IL7: variants seen among roughly 807,000 people sequenced by gnomAD.
The protein encoded by IL7 is interleukin 7.
In IL7, 3 loss-of-function variants were observed where a neutral mutation model predicts 21.6. That is an observed-to-expected ratio of 0.14 (90% CI 0.06 to 0.36). The LOEUF (loss-of-function observed/expected upper bound fraction) is 0.36, where lower values mean the gene tolerates loss of function less well. Ranked by LOEUF, IL7 falls within the 10% of genes least tolerant of loss-of-function variation. The pLI is 1.00. For synonymous variants in IL7, 62 were observed against 68.1 expected (o/e 0.91, Z 0.44); for missense variants, 175 against 200.2 (o/e 0.87, Z 0.76).
chr8:78,789,145 T>C (rs1371588423), intron 2 of IL7, among the ~76,000 whole-genome samples: 1 of 152,130 alleles, frequency 6.6e-6, no homozygotes, highest in African/African-American at 2.4e-5. Context: ...CAACGTAAAG[T>C]AGGGTTTTTA....
At chr8:78,771,115 A>G (rs1239609734) in intron 2 of IL7, among the ~76,000 whole-genome samples, 1 of 152,044 alleles carries the variant, frequency 6.6e-6, no homozygotes, top group Non-Finnish European at 1.5e-5. Context: ...AGATCTTATT[A>G]TGTCAGAAAG....
intron 2 of IL7, among the ~76,000 whole-genome samples, chr8:78,748,767 G>A (rs1358882603): frequency 6.6e-6 from 1 of 152,156 alleles, no homozygotes; most frequent in African/African-American, 2.4e-5. Context: ...TTGTTTTGAG[G>A]AAGTGGTGGT....
intron 2 of IL7, among the ~76,000 whole-genome samples, chr8:78,786,545 A>G (rs1475325567): frequency 6.6e-6 from 1 of 152,186 alleles, no homozygotes; most frequent in Non-Finnish European, 1.5e-5. Flanking sequence ...TTACATCAGT[A>G]TCATCACAAA....
chr8:78,778,558 G>A (rs1813207807), intron 2 of IL7, among the ~76,000 whole-genome samples: 1 of 152,140 alleles, frequency 6.6e-6, no homozygotes, highest in South Asian at 2.1e-4. Flanking sequence ...CTGTAGATAT[G>A]TGGTCTTCTT....
intron 1 of IL7, among the ~76,000 whole-genome samples, chr8:78,801,196 T>C (rs1333055985): frequency 6.6e-6 from 1 of 152,124 alleles, no homozygotes; most frequent in African/African-American, 2.4e-5. Context: ...CACAGAGGTT[T>C]TGGAATTAAA....
chr8:78,767,337 A>G (rs995933114), intron 2 of IL7, among the ~76,000 whole-genome samples: 27 of 151,800 alleles, frequency 1.8e-4, no homozygotes, highest in African/African-American at 5.6e-4. Flanking sequence ...ATTTATATTT[A>G]TTGTCAGATA....
chr8:78,690,388 G>A (rs371474341), intron 3 of IL7, among the ~76,000 whole-genome samples: 4 of 152,012 alleles, frequency 2.6e-5, no homozygotes, highest in Non-Finnish European at 5.9e-5. Context: ...GTGAAACCCC[G>A]TCTCTAATAA....
At chr8:78,758,941 T>G (rs1407818753) in intron 2 of IL7, among the ~76,000 whole-genome samples, 2 of 152,164 alleles carry the variant, frequency 1.3e-5, no homozygotes, top group East Asian at 1.9e-4. Context: ...ATAAATAGGT[T>G]GTCTATGGCA....
chr8:78,731,896 A>C (rs1393884438), downstream of IL7, among the ~76,000 whole-genome samples: 3 of 152,170 alleles, frequency 2.0e-5, no homozygotes, highest in South Asian at 2.1e-4. Flanking sequence ...TTAAACAAGC[A>C]TTTAAAAAAT....
intron 3 of IL7, among the ~76,000 whole-genome samples, chr8:78,699,780 C>A (rs990663928): frequency 1.3e-5 from 2 of 152,086 alleles, no homozygotes; most frequent in Non-Finnish European, 2.9e-5. Context: ...CCATTCATGT[C>A]CCTCCTAAGG....
chr8:78,760,085 C>G (rs1464126958), intron 2 of IL7: 26 of 1,463,460 alleles, frequency 1.8e-5, no homozygotes, highest in Non-Finnish European at 2.2e-5. Context: ...CCTACATACA[C>G]CTTACGGCTT....
At chr8:78,689,795 G>A (rs1188025534) in intron 3 of IL7, among the ~76,000 whole-genome samples, 1 of 151,920 alleles carries the variant, frequency 6.6e-6, no homozygotes, top group Non-Finnish European at 1.5e-5. Flanking sequence ...CTTTTGAGGG[G>A]CAAAAATTTT....
intron 2 of IL7, among the ~76,000 whole-genome samples, chr8:78,781,586 G>A (rs1340915755): frequency 1.3e-5 from 2 of 152,116 alleles, no homozygotes; most frequent in African/African-American, 4.8e-5. Context: ...TGAGAGGTTT[G>A]CTGTTATTCC....
chr8:78,776,246 C>A (rs1323646692), intron 2 of IL7, among the ~76,000 whole-genome samples: 6 of 151,982 alleles, frequency 3.9e-5, no homozygotes, highest in African/African-American at 1.4e-4. Flanking sequence ...ATCTAAAAGG[C>A]TACTATGAGA....
intron 2 of IL7, among the ~76,000 whole-genome samples, chr8:78,787,668 C>T (rs1185216182): frequency 6.6e-6 from 1 of 152,120 alleles, no homozygotes; most frequent in Non-Finnish European, 1.5e-5. Context: ...AGGTGTTTTG[C>T]TTTTCATAGA....
chr8:78,797,068 C>A (rs1362716832), intron 2 of IL7, among the ~76,000 whole-genome samples: 2 of 151,806 alleles, frequency 1.3e-5, no homozygotes, highest in African/African-American at 4.8e-5. Flanking sequence ...TGTTATCCAG[C>A]AATAAGAAAA....
chr8:78,740,265 G>T (rs934265834), intron 2 of IL7, among the ~76,000 whole-genome samples, 183 bp from the exon 3 acceptor site: 10 of 152,118 alleles, frequency 6.6e-5, no homozygotes, highest in African/African-American at 2.4e-4. Context: ...GGATAAATAA[G>T]TGTATACACA....
In IL7 at chr8:78,727,119, G is replaced by T. The variant is rs149096079; in HGVS notation, n.268-5679C>A. Among the ~76,000 whole-genome samples, 272 of 152,046 alleles carry T rather than the reference G, an allele frequency of 1.8e-3. 1 individual carries two copies. Among genetic ancestry groups the T allele is most frequent in the African/African-American group, 6.2e-3 (258 of 41,512 alleles). The stretch of plus-strand genomic sequence containing the variant: ...TCTCTTAGTTATCTGTCCATTCTCT[G>T]TTGTCTTCTTCACTGTGGTGTATCT... On this transcript the variant is annotated intron_variant and non_coding_transcript_variant, in intron 3 of 6. Transcript: ENST00000519833.
rs566810931 is a variant in IL7 at position 78,760,162 on chromosome 8, C to T, written c.148-20080G>A. On this transcript the variant is annotated intron_variant, in intron 2 of 5. Coordinates refer to ENST00000263851, the MANE Select transcript of IL7 (RefSeq NM_000880.4). ...GTCTCTTAGGTATTTTCCACAGTTT[C>T]GGAATTATCTGTAGGAAGCTCTGAC... 3.0e-4 allele frequency: 459 copies of T among 1,519,038 alleles called. 4 individuals carry two copies. The South Asian group carries it at 5.4e-3, about 18-fold the overall frequency. The allele number at this position is 1,519,038 out of a possible 1,614,324, so 94.1% of individuals were successfully genotyped here.
Sources: gnomAD v4.1 joint callset for allele counts (sites outside exome capture counted in the v4.1 genomes callset) on GRCh38, gnomAD v4.1.1 for gene constraint, MANE v1.5 for transcripts, NCBI Gene and HGNC (gene_info 2026-07-23, HGNC 2026-07-21) for gene names.